Variants in DBP observed in about 807,000 individuals in gnomAD.
The protein encoded by DBP is D-box binding PAR bZIP transcription factor, also known as D site-binding protein.
A neutral mutation model predicts 21.4 loss-of-function variants in DBP; 12 were observed. The ratio of observed to expected loss-of-function variants is 0.56; its 90% CI spans 0.36 to 0.91. The LOEUF (loss-of-function observed/expected upper bound fraction) is 0.91. DBP is among the 40% of genes least tolerant of loss of function. The probability of loss-of-function intolerance (pLI) is 0.01; values close to 1 mark genes in which losing one functional copy is unlikely to be tolerated. For missense variants in DBP, 423 were observed against 473.4 expected, an observed-to-expected ratio of 0.89 and a Z score of 0.99; for synonymous variants, 213 against 224.9, an observed-to-expected ratio of 0.95 and a Z score of 0.47.
intron 2 of DBP, chr19:48,635,269 G>T: frequency 2.5e-6 from 3 of 1,200,124 alleles, no homozygotes; most frequent in Non-Finnish European, 3.1e-6. Context: ...TGGTGTTCCG[G>T]ACTTCCAGTT....
intron 1 of DBP, 141 bp downstream of exon 1, chr19:48,636,715 A>G: frequency 9.2e-7 from 1 of 1,083,936 alleles, no homozygotes; most frequent in Non-Finnish European, 1.3e-6. Flanking sequence ...CTAGGGGCCT[A>G]AACACCTGAG....
chr19:48,632,410 G>A (rs1461055791), intron 3 of DBP: 2 of 152,010 alleles, frequency 1.3e-5, no homozygotes, highest in Non-Finnish European at 2.9e-5. Context: ...GATTACAGGT[G>A]TGAGACACCA....
intron 1 of DBP, among the ~76,000 whole-genome samples, 184 bp from the exon 2 acceptor site, chr19:48,636,174 G>C (rs1223426028): frequency 6.6e-6 from 1 of 152,116 alleles, no homozygotes; most frequent in Non-Finnish European, 1.5e-5. Flanking sequence ...AGAAAGAATG[G>C]AGACGGGGGT....
At chr19:48,635,416 A>G (rs1223939677) in intron 2 of DBP, 164 bp downstream of exon 2, 6 of 1,459,376 alleles carry the variant, frequency 4.1e-6, no homozygotes, top group Non-Finnish European at 5.4e-6. Context: ...TGACCCATTA[A>G]GAGACACCGA....
chr19:48,630,428 C>G lies in DBP; in HGVS notation c.*409G>C. The G allele has an allele frequency of 7.0e-7, 1 of 1,423,038 alleles. No homozygotes were observed. The highest frequency in any genetic ancestry group is 9.2e-7 in the Non-Finnish European group (1 of 1,091,722). 88.2% of individuals were successfully genotyped at this position (1,423,038 alleles called of 1,614,324 possible). ...TCAGACCTTCTGCCCTTCCTCCATC[C>G]GACAGCCCGCGGGAGGACTCAGACT... On this transcript the variant is annotated 3_prime_UTR_variant, in exon 4 of 4. Transcript: ENST00000222122. This position sits in a 1 kb window ranked among gnomAD's most constrained non-coding sequence, Gnocchi z 4.9.
chr19:48,634,652 C>T (rs2030717007), intron 2 of DBP: 3 of 982,904 alleles, frequency 3.1e-6, no homozygotes, highest in South Asian at 4.7e-5. Flanking sequence ...CCCCCTCGCG[C>T]TTGAAGGCGC....
chr19:48,636,918 C>A lies in DBP; in HGVS notation c.77G>T (p.Gly26Val). ...GGPAGTPPGG[G>V]ALLGLRSLLQ... The stretch of plus-strand genomic sequence containing the variant: ...AAGGCTCCGCAACCCAAGCAGCGCT[C>A]CCCCGCCAGGGGGTGTCCCGGCCGG... Residue 26 changes from glycine (G) to valine (V), a missense_variant, in exon 1 of 4, where the codon GGA becomes GTA. By Grantham distance (109) the Gly-to-Val change is moderately radical (BLOSUM62 -3). Transcript: ENST00000222122. The A allele has an allele frequency of 1.9e-6, 3 of 1,596,196 alleles. No individual in the cohort carries two copies. Among genetic ancestry groups the A allele is most frequent in the Non-Finnish European group, 1.7e-6 (2 of 1,172,488 alleles).
At chr19:48,636,029 TG>T in intron 1 of DBP, 39 bp from the exon 2 acceptor site, 2 of 1,457,120 alleles carry the variant, frequency 1.4e-6, no homozygotes, top group Admixed American at 2.5e-5. Context: ...GAGGGTGAGG[TG>T]GGGGAGATAG....
At chr19:48,635,317 C>A (rs1437311387) in intron 2 of DBP, 4 of 1,277,886 alleles carry the variant, frequency 3.1e-6, no homozygotes, top group South Asian at 1.6e-5. Context: ...GTCCCCAAGT[C>A]CCACAGAAAA....
intron 3 of DBP, chr19:48,633,013 A>C (rs1485495750): frequency 1.4e-5 from 4 of 293,208 alleles, no homozygotes; most frequent in African/African-American, 8.7e-5. Context: ...TTTTGTTTTA[A>C]GACAAGGTCT....
Position 48,633,447 on chromosome 19 carries a change from C to T in DBP, c.759G>A (p.Gln253=), listed in dbSNP as rs1347755765. 1 of 1,614,168 alleles carries T rather than the reference C, an allele frequency of 6.2e-7. No individual in the cohort carries two copies. The highest frequency in any genetic ancestry group is 2.2e-5 in the East Asian group (1 of 44,886). The change falls in exon 3 of 4, where the codon CAG becomes CAA. Residue 253 remains glutamine (Q), a synonymous_variant. Coordinates refer to ENST00000222122, the MANE Select transcript of DBP (RefSeq NM_001352.5). ...TCCCACATCCAGCTCTGCTCACCTT[C>T]TGCTCCTCCGGCACCTGGATTTTTC... ...KARKIQVPEE[Q]KDEKYWSRRY...
Position 48,637,096 on chromosome 19 carries a change from G to A in DBP, c.-102C>T, listed in dbSNP as rs573464315. 2 of 1,152,452 alleles carry A rather than the reference G, an allele frequency of 1.7e-6. No individual in the cohort carries two copies. The highest frequency in any genetic ancestry group is 6.3e-5 in the Admixed American group (2 of 31,736). The allele number at this position is 1,152,452 out of a possible 1,614,324, so 71.4% of individuals were successfully genotyped here. ...GTGGTTTGGACGAGTGTCTGCCCAGGGGCGGGCGAGTGTAGCCTGCAACCC... is the reference window on the plus strand; with the variant it reads ...GTGGTTTGGACGAGTGTCTGCCCAGAGGCGGGCGAGTGTAGCCTGCAACCC... On this transcript the variant is annotated 5_prime_UTR_variant, in exon 1 of 4. Coordinates refer to ENST00000222122, the MANE Select transcript of DBP (RefSeq NM_001352.5).
In DBP at chr19:48,636,789, C is replaced by G. The variant is rs891086617; in HGVS notation, c.139+67G>C. ...CACGCAGGTTTCTATGGGACCCCACCCCACGGCACCTGAGTCCCTAAGGGG... is the reference window on the plus strand; with the variant it reads ...CACGCAGGTTTCTATGGGACCCCACGCCACGGCACCTGAGTCCCTAAGGGG... On this transcript the variant is annotated intron_variant, in intron 1 of 3. Coordinates refer to ENST00000222122, the MANE Select transcript of DBP (RefSeq NM_001352.5). The G allele has an allele frequency of 6.4e-6, 10 of 1,561,862 alleles. No homozygotes were observed. In the Admixed American group the frequency reaches 2.0e-4, roughly 31 times the overall value.
intron 3 of DBP, chr19:48,631,580 T>C (rs1479247712): frequency 6.5e-6 from 1 of 154,522 alleles, no homozygotes; most frequent in African/African-American, 2.4e-5. Flanking sequence ...TCTAAGTGGT[T>C]TCAATGACTG....
Position 48,635,058 on chromosome 19 carries a change from T to G in DBP, c.550+522A>C, listed in dbSNP as rs140979274. On this transcript the variant is annotated intron_variant, in intron 2 of 3. Coordinates refer to ENST00000222122, the MANE Select transcript of DBP (RefSeq NM_001352.5). ...CCTAACGTTTTCCCTTCTGAAGAAC[T>G]CTGGGACCCGGGGCTGCAGCACGCC... is the stretch of plus-strand genomic sequence containing the variant. 4.5e-3 allele frequency: 4,430 copies of G among 986,870 alleles called. 6 individuals carry two copies. The highest frequency in any genetic ancestry group is 4.9e-3 in the Non-Finnish European group (4,089 of 830,402). 61.1% of individuals were successfully genotyped at this position (986,870 alleles called of 1,614,324 possible). A position where few individuals can be genotyped will look rare whatever the true frequency, so the allele number is the denominator to read the frequency against.
At chr19:48,636,115 G>A (rs1206252760) in intron 1 of DBP, 125 bp from the exon 2 acceptor site, 3 of 905,068 alleles carry the variant, frequency 3.3e-6, no homozygotes, top group Non-Finnish European at 4.6e-6. Flanking sequence ...GGGTCGGAGA[G>A]GAGAGACGGG....
chr19:48,630,794 C>A lies in DBP; in HGVS notation c.*43G>T. On this transcript the variant is annotated 3_prime_UTR_variant, in exon 4 of 4. Transcript: ENST00000222122. The surrounding 1 kb of genome is among the most constrained non-coding windows in gnomAD (Gnocchi z 4.9). ...GAAGGGAACAGGGCGTAAGTCTCAG[C>A]AAGGCGGAGGAGAGCTCCGCCAGGT... 1 of 1,538,502 alleles carries A rather than the reference C, an allele frequency of 6.5e-7. No individual in the cohort carries two copies. The highest frequency in any genetic ancestry group is 8.8e-7 in the Non-Finnish European group (1 of 1,137,710).
At position 48,635,564 on chromosome 19, in the gene DBP, GC is replaced by G. The variant is rs1568440358; in HGVS notation, c.550+15del. 8 of 1,396,068 alleles carry G rather than the reference GC, an allele frequency of 5.7e-6. No homozygotes were observed. Among genetic ancestry groups the G allele is most frequent in the Non-Finnish European group, 7.4e-6 (8 of 1,082,424 alleles). The allele number at this position is 1,396,068 out of a possible 1,614,324, so 86.5% of individuals were successfully genotyped here. ...GCCCCGCCCCGTCAGGACCCGCCCC[GC>G]CCCCTTCGCCGCACCTGCGCGGTGG... On this transcript the variant is annotated intron_variant, in intron 2 of 3. Transcript: ENST00000222122.
Position 48,631,059 on chromosome 19 carries a change from G to C in DBP, c.763-7C>G, listed in dbSNP as rs1315622511. The C allele has an allele frequency of 1.2e-6, 2 of 1,610,834 alleles. No homozygotes were observed. The highest frequency in any genetic ancestry group is 2.2e-5 in the South Asian group (2 of 90,770). On this transcript the variant is annotated splice_region_variant and splice_polypyrimidine_tract_variant and intron_variant, in intron 3 of 3. Transcript: ENST00000222122. ...GGCTCCAGTATTTCTCATCCTGCAG[G>C]AGAAGAGGGGGAGAGCACTGAGGTC...
Sources: gnomAD v4.1 joint callset for allele counts (sites outside exome capture counted in the v4.1 genomes callset) on GRCh38, gnomAD v4.1.1 for gene constraint, Gnocchi (gnomAD v3.1) non-coding constraint, MANE v1.5 for transcripts, NCBI Gene and HGNC (gene_info 2026-07-23, HGNC 2026-07-21) for gene names.